Variants in SYT10 observed in about 807,000 individuals in gnomAD.
SYT10 encodes the protein synaptotagmin-10.
Under a neutral mutation model 51.1 loss-of-function variants are expected in SYT10, and 31 were observed. The ratio of observed to expected loss-of-function variants is 0.61; its 90% confidence interval spans 0.46 to 0.82. SYT10 has a LOEUF of 0.82. SYT10 is among the 40% of genes least tolerant of loss of function. The pLI, the probability that SYT10 is intolerant of heterozygous loss-of-function variation, is 0.00. For missense variants in SYT10, 603 were observed against 634.0 expected (o/e 0.95, Z 0.53); for synonymous variants, 233 against 225.9 (o/e 1.03, Z -0.28).
intron 4 of SYT10, 59 bp downstream of exon 4, chr12:33,385,112 A>T: frequency 6.3e-7 from 1 of 1,587,156 alleles, no homozygotes; most frequent in Non-Finnish European, 8.6e-7. Flanking sequence ...TCATTTTTAG[A>T]TACATGAAAT....
intron 2 of SYT10, among the ~76,000 whole-genome samples, chr12:33,415,509 T>C (rs1866445252): frequency 6.6e-6 from 1 of 152,218 alleles, no homozygotes; most frequent in African/African-American, 2.4e-5. Flanking sequence ...GCAATGTCTT[T>C]ACTATCTATT....
chr12:33,439,529 G>T lies in SYT10; in HGVS notation c.-7C>A. The T allele has an allele frequency of 2.5e-6, 4 of 1,611,676 alleles. No individual in the cohort carries two copies. Among genetic ancestry groups the T allele is most frequent in the Non-Finnish European group, 2.5e-6 (3 of 1,178,404 alleles). On this transcript the variant is annotated 5_prime_UTR_variant, in exon 1 of 7. Transcript: ENST00000228567. ...CCTCCTTGTGGAAACTCATCGTTTG[G>T]CTTTTCTTTCGTTTTCTCTTTTTTT...
intron 3 of SYT10, among the ~76,000 whole-genome samples, chr12:33,399,180 G>A (rs1866282378): frequency 6.6e-6 from 1 of 152,102 alleles, no homozygotes; most frequent in Non-Finnish European, 1.5e-5. Flanking sequence ...ACTAAAATAC[G>A]GTTGGGAGCT....
Position 33,406,927 on chromosome 12 carries a change from T to C in SYT10, c.939A>G (p.Lys313=), listed in dbSNP as rs1449109969. The C allele has an allele frequency of 6.2e-7, 1 of 1,613,902 alleles. No homozygotes were observed. Among genetic ancestry groups the C allele is most frequent in the African/African-American group, 1.3e-5 (1 of 74,906 alleles). The part of the protein sequence containing the change: ...PVAYDQLSNR[K]LHFSVYDFDR... The stretch of plus-strand genomic sequence containing the variant: ...CAAAATCATACACACTGAAATGTAG[T>C]TTTCGGTTGCTTAGTTGATCATATG... The change falls in exon 3 of 7, where the codon AAA becomes AAG. Residue 313 remains lysine (K), a synonymous_variant. Coordinates refer to ENST00000228567, the MANE Select transcript of SYT10 (RefSeq NM_198992.4).
At chr12:33,424,751 T>C (rs1415994477) in intron 2 of SYT10, among the ~76,000 whole-genome samples, 2 of 151,726 alleles carry the variant, frequency 1.3e-5, no homozygotes, top group Admixed American at 6.6e-5. Flanking sequence ...TCAATAAATA[T>C]ATAGTTCAAT....
intron 3 of SYT10, among the ~76,000 whole-genome samples, chr12:33,394,142 G>C (rs1183825712): frequency 2.0e-5 from 3 of 152,150 alleles, no homozygotes; most frequent in Non-Finnish European, 4.4e-5. Context: ...CTCTTCCGTA[G>C]ACTGGTATTT....
Position 33,376,683 on chromosome 12 carries a change from C to T in SYT10, c.*147G>A, listed in dbSNP as rs1866065102. 1 of 861,020 alleles carries T rather than the reference C, an allele frequency of 1.2e-6. No individual in the cohort carries two copies. Among genetic ancestry groups the T allele is most frequent in the East Asian group, 2.6e-5 (1 of 38,580 alleles). The allele number at this position is 861,020 out of a possible 1,614,324, so 53.3% of individuals were successfully genotyped here. Reference sequence around the variant, plus strand: ...TTGATGTTCAAAGTTAAAAAATCAACAATAAAAGCAAATAAAAAAGTGCAC... The same window carrying T: ...TTGATGTTCAAAGTTAAAAAATCAATAATAAAAGCAAATAAAAAAGTGCAC... On this transcript the variant is annotated 3_prime_UTR_variant, in exon 7 of 7. Transcript: ENST00000228567.
chr12:33,381,106 T>C (rs1239882958), intron 5 of SYT10, among the ~76,000 whole-genome samples: 2 of 152,190 alleles, frequency 1.3e-5, no homozygotes, highest in African/African-American at 4.8e-5. Context: ...GAGAAATCAA[T>C]AGGGGTAATT....
intron 3 of SYT10, among the ~76,000 whole-genome samples, chr12:33,394,746 C>G (rs1565492798): frequency 6.6e-6 from 1 of 152,212 alleles, no homozygotes; most frequent in Non-Finnish European, 1.5e-5. Flanking sequence ...TACTCATTAG[C>G]ATTTTAATTC....
intron 2 of SYT10, among the ~76,000 whole-genome samples, chr12:33,423,631 G>A (rs184147175): frequency 2.0e-3 from 309 of 152,190 alleles, no homozygotes; most frequent in African/African-American, 7.2e-3. Flanking sequence ...AGTCATTCAT[G>A]ATATTCATAT....
intron 2 of SYT10, chr12:33,423,967 G>C: frequency 2.2e-6 from 1 of 455,802 alleles, no homozygotes; most frequent in Middle Eastern, 3.3e-4. Flanking sequence ...TGACAAAATT[G>C]CAAGTGCTCA....
chr12:33,390,000 T>A (rs1010763939), intron 3 of SYT10, among the ~76,000 whole-genome samples: 13 of 152,204 alleles, frequency 8.5e-5, no homozygotes, highest in African/African-American at 2.4e-4. Context: ...TGGTATAACA[T>A]GAGGTGCTCA....
At chr12:33,380,667 T>A (rs571250368) in intron 5 of SYT10, among the ~76,000 whole-genome samples, 2 of 152,306 alleles carry the variant, frequency 1.3e-5, no homozygotes, top group East Asian at 1.9e-4. Context: ...ACCATGACCA[T>A]GAATATCATT....
intron 3 of SYT10, among the ~76,000 whole-genome samples, chr12:33,395,405 G>C (rs1565492953): frequency 6.6e-6 from 1 of 152,156 alleles, no homozygotes; most frequent in Non-Finnish European, 1.5e-5. Context: ...GGAAGAAATA[G>C]AACAACTTTT....
chr12:33,432,528 A>G (rs897531370), intron 1 of SYT10: 3 of 152,126 alleles, frequency 2.0e-5, no homozygotes, highest in Non-Finnish European at 2.9e-5. Flanking sequence ...GAATAAAAGC[A>G]TGATGTTAAA....
In SYT10 at chr12:33,423,920, T is replaced by A. The variant is rs73312200; in HGVS notation, c.509+2218A>T. 259 of 455,618 alleles carry A rather than the reference T, an allele frequency of 5.7e-4. 3 individuals are homozygous for A. The highest frequency in any genetic ancestry group is 4.7e-3 in the African/African-American group (237 of 50,146). The allele number at this position is 455,618 out of a possible 1,614,324, so 28.2% of individuals were successfully genotyped here. A position where few individuals can be genotyped will look rare whatever the true frequency, so the allele number is the denominator to read the frequency against. ...ATTAATAATACTTACTTCATGCAGG[T>A]TGGTGAAGGATTATCAGGAAGGGTG... On this transcript the variant is annotated intron_variant, in intron 2 of 6. Transcript: ENST00000228567.
intron 1 of SYT10, among the ~76,000 whole-genome samples, chr12:33,429,537 G>A (rs538840073): frequency 6.6e-6 from 1 of 152,326 alleles, no homozygotes; most frequent in East Asian, 1.9e-4. Flanking sequence ...AGCAGCTTTG[G>A]TGTAGGGGCA....
At chr12:33,385,142 C>T (rs1291059367) in intron 4 of SYT10, 29 bp downstream of exon 4, 6 of 1,607,390 alleles carry the variant, frequency 3.7e-6, no homozygotes, top group African/African-American at 1.3e-5. Context: ...GAGATTGTGC[C>T]CTTGGTCCTG....
chr12:33,437,822 G>C (rs1192769212), intron 1 of SYT10, among the ~76,000 whole-genome samples: 1 of 152,014 alleles, frequency 6.6e-6, no homozygotes, highest in East Asian at 1.9e-4. Context: ...GCAACGATAC[G>C]CACGACACAG....
Sources: gnomAD v4.1 joint callset for allele counts (sites outside exome capture counted in the v4.1 genomes callset) on GRCh38, gnomAD v4.1.1 for gene constraint, MANE v1.5 for transcripts, NCBI Gene and HGNC (gene_info 2026-07-23, HGNC 2026-07-21) for gene names.